Variants in SCN8A observed in about 807,000 individuals in gnomAD.
SCN8A encodes sodium channel protein type 8 subunit alpha.
SCN8A carries 30 observed loss-of-function variants against 184.1 expected under a neutral mutation model. The ratio of observed to expected loss-of-function variants is 0.16; its 90% CI spans 0.12 to 0.22. The LOEUF is 0.22. Among genes scored for constraint, SCN8A ranks in the 10% least tolerant of loss-of-function variants. The pLI, the probability that SCN8A is intolerant of heterozygous loss-of-function variation, is 1.00. For missense variants in SCN8A, 1,057 were observed against 2,498.9 expected, an observed-to-expected ratio of 0.42 and a Z score of 12.30; for synonymous variants, 852 against 907.0, an observed-to-expected ratio of 0.94 and a Z score of 1.09.
At chr12:51,774,414 A>G in intron 20 of SCN8A, 52 bp downstream of exon 20, 2 of 1,530,262 alleles carry the variant, frequency 1.3e-6, no homozygotes. Flanking sequence ...ACACAGAAAC[A>G]GGGGTCTCTC....
intron 5 of SCN8A, among the ~76,000 whole-genome samples, chr12:51,688,154 GCA>G (rs1941450401): frequency 1.3e-5 from 2 of 152,126 alleles, no homozygotes; most frequent in African/African-American, 4.8e-5. Context: ...TCCTTGCTAG[GCA>G]CAGAGCTTGT....
chr12:51,746,242 T>G (rs1185669228), intron 13 of SCN8A, among the ~76,000 whole-genome samples: 1 of 152,194 alleles, frequency 6.6e-6, no homozygotes, highest in Non-Finnish European at 1.5e-5. Context: ...TCAGATATGC[T>G]GCCAGCATTG....
At position 51,702,847 on chromosome 12, in the gene SCN8A, T is replaced by G; in HGVS notation, c.1067T>G (p.Phe356Cys). Residue 356 changes from phenylalanine to cysteine, a missense_variant, in exon 9 of 27, where the codon TTT (phenylalanine) becomes TGT (cysteine). Phe to Cys is a radical substitution (Grantham distance 205). This residue lies in a region of SCN8A where 27 missense variants were observed against 150.1 expected (regional missense o/e 0.18). Coordinates refer to ENST00000627620, the MANE Select transcript of SCN8A (RefSeq NM_001330260.2). ...PNYGYTSFDTFSWAFLALFRL... is the reference protein window; with the variant it reads ...PNYGYTSFDTCSWAFLALFRL... ...TATGGTTACACAAGTTTTGACACTT[T>G]TAGCTGGGCCTTCTTGGCATTATTT... 6.2e-7 allele frequency: 1 copy of G among 1,607,432 alleles called. No homozygotes were observed. The highest frequency in any genetic ancestry group is 8.5e-7 in the Non-Finnish European group (1 of 1,176,530).
intron 9 of SCN8A, among the ~76,000 whole-genome samples, chr12:51,704,055 C>A (rs912650394): frequency 1.3e-5 from 2 of 151,808 alleles, no homozygotes; most frequent in Admixed American, 1.3e-4. Context: ...ACGCACCTGG[C>A]TAATTTTTGT....
chr12:51,767,947 A>G (rs1425779810), intron 16 of SCN8A, among the ~76,000 whole-genome samples: 1 of 152,228 alleles, frequency 6.6e-6, no homozygotes, highest in African/African-American at 2.4e-5. Flanking sequence ...CCTGGCCTTC[A>G]AAGCCCTCTC....
intron 2 of SCN8A, among the ~76,000 whole-genome samples, chr12:51,666,765 C>G (rs559676324): frequency 1.1e-4 from 16 of 152,244 alleles, no homozygotes; most frequent in African/African-American, 3.9e-4. Context: ...CTGGTTTTAG[C>G]TCGGATTTCA....
In SCN8A at chr12:51,595,713, A is replaced by C. The variant is rs755972193; in HGVS notation, c.-55+4354A>C. 3.3e-5 allele frequency among the ~76,000 whole-genome samples: 5 copies of C among 152,308 alleles called. No homozygotes were observed. In the East Asian group the frequency reaches 5.8e-4, roughly 18 times the overall value. On this transcript the variant is annotated intron_variant, in intron 1 of 26. Transcript: ENST00000627620. Reference sequence around the variant, plus strand: ...TGGTTTCTGACACATAGTGCTTAATATATATTAGCCCCCTTGCCTCTAGGG... The same window carrying C: ...TGGTTTCTGACACATAGTGCTTAATCTATATTAGCCCCCTTGCCTCTAGGG...
At chr12:51,723,334 A>T (rs1240506788) in intron 12 of SCN8A, among the ~76,000 whole-genome samples, 1 of 152,130 alleles carries the variant, frequency 6.6e-6, no homozygotes, top group Non-Finnish European at 1.5e-5. Context: ...AATAAAAATA[A>T]GAAACATTAG....
Position 51,780,747 on chromosome 12 carries a change from C to A in SCN8A, c.3918C>A (p.Ala1306=). The A allele has an allele frequency of 1.3e-6, 2 of 1,592,106 alleles. No homozygotes were observed. Among genetic ancestry groups the A allele is most frequent in the Middle Eastern group, 1.7e-4 (1 of 6,002 alleles). ...RTLRALRPLR[A]LSRFEGMRVV... ...TAAGAGCTTTGAGACCCTTAAGAGCCTTATCACGATTTGAAGGGATGAGGG... is the reference window on the plus strand; with the variant it reads ...TAAGAGCTTTGAGACCCTTAAGAGCATTATCACGATTTGAAGGGATGAGGG... Residue 1306 remains alanine (A), a synonymous_variant, in exon 21 of 27, where the codon GCC becomes GCA. Coordinates refer to ENST00000627620, the MANE Select transcript of SCN8A (RefSeq NM_001330260.2).
Position 51,794,578 on chromosome 12 carries a change from C to T in SCN8A, c.4732C>T (p.His1578Tyr). The change falls in exon 26 of 27, where the codon CAC (histidine) becomes TAC (tyrosine). Residue 1578 changes from histidine (H) to tyrosine (Y), a missense_variant. Around this residue, in one of 19 missense-constraint regions of SCN8A, gnomAD observed 34 missense variants for 64.0 expected, o/e 0.53. Transcript: ENST00000627620. ...TGTGCTCAAAATGTTTGCGTTGAGG[C>T]ACTACTACTTCACCATTGGCTGGAA... Reference protein sequence around the residue: ...ECVLKMFALRHYYFTIGWNIF... With the variant: ...ECVLKMFALRYYYFTIGWNIF... 6.2e-7 allele frequency: 1 copy of T among 1,613,958 alleles called. No homozygotes were observed. Among genetic ancestry groups the T allele is most frequent in the East Asian group, 2.2e-5 (1 of 44,876 alleles).
intron 11 of SCN8A, among the ~76,000 whole-genome samples, chr12:51,707,302 C>CTT: frequency 6.6e-6 from 1 of 151,812 alleles, no homozygotes; most frequent in Middle Eastern, 3.5e-3. Flanking sequence ...ATTTATATAT[C>CTT]TATTAGTATA....
At chr12:51,665,113 T>C (rs1396626060) in intron 2 of SCN8A, among the ~76,000 whole-genome samples, 3 of 152,232 alleles carry the variant, frequency 2.0e-5, no homozygotes, top group East Asian at 1.9e-4. Flanking sequence ...TGAAAAAATA[T>C]ATAGAGCTAA....
intron 1 of SCN8A, among the ~76,000 whole-genome samples, chr12:51,594,891 C>G (rs1939311399): frequency 6.6e-6 from 1 of 152,002 alleles, no homozygotes; most frequent in East Asian, 1.9e-4. Context: ...TTATAGTTCA[C>G]TTGCTAGTCA....
chr12:51,684,817 AT>A (rs1468682472), intron 3 of SCN8A, among the ~76,000 whole-genome samples: 5 of 152,134 alleles, frequency 3.3e-5, no homozygotes, highest in Non-Finnish European at 5.9e-5. Context: ...ATAAATAGGA[AT>A]TTTTTCTGGT....
chr12:51,651,622 C>T (rs1186869120), intron 1 of SCN8A, among the ~76,000 whole-genome samples: 3 of 152,178 alleles, frequency 2.0e-5, no homozygotes, highest in Admixed American at 1.3e-4. Flanking sequence ...TGGGGGAAAC[C>T]GCCCCCATGA....
intron 6 of SCN8A, among the ~76,000 whole-genome samples, chr12:51,691,404 A>G (rs1231450851): frequency 1.3e-5 from 2 of 152,046 alleles, no homozygotes; most frequent in Admixed American, 6.6e-5. Flanking sequence ...TATTCTTTGT[A>G]TATATCCTTA....
chr12:51,658,929 A>G (rs1051709171), intron 1 of SCN8A, among the ~76,000 whole-genome samples: 1 of 152,186 alleles, frequency 6.6e-6, no homozygotes, highest in Non-Finnish European at 1.5e-5. Context: ...TATTGCTGGT[A>G]GGAATATTAC....
Position 51,768,891 on chromosome 12 carries a change from C to T in SCN8A, c.2928C>T (p.Leu976=), listed in dbSNP as rs766935372. The change falls in exon 17 of 27, where the codon CTC becomes CTT. Residue 976 remains leucine, a synonymous_variant. Coordinates refer to ENST00000627620, the MANE Select transcript of SCN8A (RefSeq NM_001330260.2). ...TGCTGAACCTGTTTCTGGCCTTGCT[C>T]CTGAGCTCCTTCAGTGCAGACAACC... ...LVVLNLFLAL[L]LSSFSADNLA... is the part of the protein sequence containing the mutation. 7.6e-6 allele frequency: 12 copies of T among 1,581,332 alleles called. No individual in the cohort carries two copies. The African/African-American group carries it at 8.1e-5, about 11-fold the overall frequency.
intron 12 of SCN8A, among the ~76,000 whole-genome samples, chr12:51,725,045 C>G (rs1239852558): frequency 6.6e-6 from 1 of 152,126 alleles, no homozygotes; most frequent in African/African-American, 2.4e-5. Flanking sequence ...CTGTAGTGAC[C>G]TCAAGTGAGG....
Sources: allele counts gnomAD v4.1 joint callset (sites outside exome capture counted in the v4.1 genomes callset), GRCh38; gene constraint gnomAD v4.1.1; regional missense constraint gnomAD v4.1.1; transcripts MANE v1.5; gene names NCBI Gene and HGNC (gene_info 2026-07-23, HGNC 2026-07-21).